Variants in REPS2 observed in about 807,000 individuals in gnomAD.
REPS2 encodes RALBP1 associated Eps domain containing 2.
REPS2 carries 23 observed loss-of-function variants against 53.6 expected under a neutral mutation model. The ratio of observed to expected loss-of-function variants is 0.43; its 90% CI spans 0.31 to 0.61. REPS2 has a LOEUF of 0.61. Among genes scored for constraint, REPS2 ranks in the 20% least tolerant of loss-of-function variants. The pLI is 0.11. For missense variants in REPS2, 446 were observed against 534.9 expected, an observed-to-expected ratio of 0.83 and a Z score of 1.64; for synonymous variants, 238 against 218.6, an observed-to-expected ratio of 1.09 and a Z score of -0.78.
chrX:17,135,592 C>T (rs2063355525), intron 16 of REPS2, 186 bp downstream of exon 16: 1 of 469,713 alleles, frequency 2.1e-6, no homozygotes, highest in Non-Finnish European at 3.4e-6. Context: ...AGCTATAGGA[C>T]TTAACCTGAC....
At chrX:17,040,900 C>T (rs2061821835) in intron 5 of REPS2, among the ~76,000 whole-genome samples, 1 of 112,061 alleles carries the variant, frequency 8.9e-6, no homozygotes, top group Non-Finnish European at 1.9e-5. Flanking sequence ...TTCAGGCTTC[C>T]ATCTCCAGGA....
chrX:16,958,086 G>A (rs990817979), intron 1 of REPS2, among the ~76,000 whole-genome samples: 7 of 112,011 alleles, frequency 6.2e-5, no homozygotes, highest in Admixed American at 4.8e-4. Context: ...AGGTCACATA[G>A]ATAAAAGTCA....
intron 16 of REPS2, chrX:17,138,115 TCC>T (rs974037107): frequency 5.3e-5 from 6 of 112,624 alleles, no homozygotes; most frequent in African/African-American, 1.9e-4. Context: ...TGATTTATCA[TCC>T]CAACCATGGA....
downstream of REPS2, among the ~76,000 whole-genome samples, chrX:17,158,197 C>T: frequency 8.9e-6 from 1 of 112,152 alleles, no homozygotes; most frequent in East Asian, 2.8e-4. Context: ...TGGATTTAGA[C>T]TACCAGGTTC....
At chrX:17,034,628 A>T (rs771250264) in intron 5 of REPS2, among the ~76,000 whole-genome samples, 2 of 112,296 alleles carry the variant, frequency 1.8e-5, no homozygotes, top group Non-Finnish European at 1.9e-5. Context: ...TTCCAGCTAG[A>T]TTGCACTAGA....
chrX:16,948,945 A>T (rs2060473898), intron 1 of REPS2, among the ~76,000 whole-genome samples: 1 of 111,729 alleles, frequency 9.0e-6, no homozygotes, highest in African/African-American at 3.3e-5. Flanking sequence ...AATCCAACAA[A>T]ATTACCATAA....
At chrX:17,174,114 TAGA>T in the REPS2 span, among the ~76,000 whole-genome samples, 1 of 111,332 alleles carries the variant, frequency 9.0e-6, no homozygotes, top group African/African-American at 3.3e-5. Flanking sequence ...TCCCATTTTA[TAGA>T]AGATGAGGCC....
the REPS2 span, among the ~76,000 whole-genome samples, chrX:17,175,377 C>T: frequency 1.8e-5 from 2 of 112,630 alleles, no homozygotes; most frequent in Non-Finnish European, 3.8e-5. Context: ...GATAAAGAAG[C>T]TGAGCCGTAG....
intron 14 of REPS2, among the ~76,000 whole-genome samples, chrX:17,104,816 G>A (rs967378174): frequency 9.0e-6 from 1 of 111,689 alleles, no homozygotes; most frequent in Non-Finnish European, 1.9e-5. Flanking sequence ...TGGTTGAACC[G>A]TCAACAAGTA....
At chrX:17,188,901 A>G in the REPS2 span, among the ~76,000 whole-genome samples, 1 of 112,093 alleles carries the variant, frequency 8.9e-6, no homozygotes, top group South Asian at 3.7e-4. Flanking sequence ...ACAAATATTA[A>G]CTCATTTAAT....
intron 12 of REPS2, among the ~76,000 whole-genome samples, chrX:17,075,502 A>T (rs773122940): frequency 1.8e-5 from 2 of 112,363 alleles, no homozygotes; most frequent in South Asian, 7.4e-4. Context: ...AAGAGAATTG[A>T]ATTGTTTTTA....
intron 14 of REPS2, among the ~76,000 whole-genome samples, chrX:17,112,172 C>G (rs370984451): frequency 3.6e-4 from 40 of 110,823 alleles, no homozygotes; most frequent in East Asian, 1.7e-3. Context: ...ATTGCCCAGG[C>G]TGGTCTCAAA....
chrX:17,067,540 G>T (rs777376577), intron 9 of REPS2, among the ~76,000 whole-genome samples: 1 of 112,142 alleles, frequency 8.9e-6, no homozygotes, highest in East Asian at 2.8e-4. Flanking sequence ...ACAGTAAGTA[G>T]ATTTTAAACG....
chrX:17,173,291 C>T, the REPS2 span, among the ~76,000 whole-genome samples: 1 of 111,414 alleles, frequency 9.0e-6, no homozygotes, highest in Non-Finnish European at 1.9e-5. Flanking sequence ...CTCATCTAAG[C>T]TCATTTGGGT....
At chrX:17,104,818 C>T (rs2062852031) in intron 14 of REPS2, among the ~76,000 whole-genome samples, 1 of 111,862 alleles carries the variant, frequency 8.9e-6, no homozygotes, top group South Asian at 3.7e-4. Context: ...GTTGAACCGT[C>T]AACAAGTATT....
chrX:16,994,852 C>T (rs2061211988), intron 1 of REPS2, among the ~76,000 whole-genome samples: 1 of 111,920 alleles, frequency 8.9e-6, no homozygotes, highest in Non-Finnish European at 1.9e-5. Flanking sequence ...TGGGTGGTGT[C>T]TGGCAGAGCG....
At position 17,011,347 on chromosome X, in the gene REPS2, A is replaced by T. The variant is rs140842643; in HGVS notation, c.397+5003A>T. On this transcript the variant is annotated intron_variant, in intron 2 of 17. Coordinates refer to ENST00000357277, the MANE Select transcript of REPS2 (RefSeq NM_004726.3). Reference sequence around the variant, plus strand: ...ATTAAGGACTGGTAGAGAATTTCTGATGAGGAAATCATGTGGTGAACATTT... The same window carrying T: ...ATTAAGGACTGGTAGAGAATTTCTGTTGAGGAAATCATGTGGTGAACATTT... Among the ~76,000 whole-genome samples the T allele has an allele frequency of 4.8e-3, 539 of 111,262 alleles. 3 individuals carry two copies. Among genetic ancestry groups the T allele is most frequent in the South Asian group, 0.015 (40 of 2,645 alleles).
At position 17,133,902 on chromosome X, in the gene REPS2, A is replaced by G. The variant is rs970567076; in HGVS notation, c.1657A>G (p.Lys553Glu). 3 of 1,205,323 alleles carry G rather than the reference A, an allele frequency of 2.5e-6. No homozygotes were observed. The highest frequency in any genetic ancestry group is 3.4e-6 in the Non-Finnish European group (3 of 890,985). ...PSQAAESSPA[K>E]KDVLYSQPPS... is the part of the protein sequence containing the mutation. Reference sequence around the variant, plus strand: ...CCAGGCTGCAGAAAGTAGTCCAGCAAAGAAGGTAAGGTCAGCCTGAGGATG... The same window carrying G: ...CCAGGCTGCAGAAAGTAGTCCAGCAGAGAAGGTAAGGTCAGCCTGAGGATG... Residue 553 changes from lysine (K) to glutamate (E), a missense_variant, in exon 15 of 18, where the codon AAG (lysine) becomes GAG (glutamate). Transcript: ENST00000357277.
At chrX:17,098,420 A>G (rs1462343746) in intron 13 of REPS2, among the ~76,000 whole-genome samples, 2 of 111,895 alleles carry the variant, frequency 1.8e-5, no homozygotes, top group Admixed American at 9.5e-5. Context: ...TATTAAGACA[A>G]AAACTGAGAG....
Sources: allele counts gnomAD v4.1 joint callset (sites outside exome capture counted in the v4.1 genomes callset), GRCh38; gene constraint gnomAD v4.1.1; transcripts MANE v1.5; gene names NCBI Gene and HGNC (gene_info 2026-07-23, HGNC 2026-07-21).